RPN2: variants seen among roughly 807,000 people sequenced by gnomAD.
RPN2 encodes the protein dolichyl-diphosphooligosaccharide--protein glycosyltransferase subunit 2.
A neutral mutation model predicts 71.4 loss-of-function variants in RPN2; 29 were observed. That is an observed-to-expected ratio of 0.41 (90% CI 0.30 to 0.55). The LOEUF (loss-of-function observed/expected upper bound fraction) is 0.55. Ranked by LOEUF, RPN2 falls within the 20% of genes least tolerant of loss-of-function variation. The pLI is 0.35. For synonymous variants in RPN2, 308 were observed against 305.0 expected, an observed-to-expected ratio of 1.01 and a Z score of -0.10; for missense variants, 726 against 774.1, an observed-to-expected ratio of 0.94 and a Z score of 0.74.
intron 2 of RPN2, among the ~76,000 whole-genome samples, chr20:37,197,408 G>C (rs1292833072): frequency 6.6e-6 from 1 of 152,166 alleles, no homozygotes; most frequent in Non-Finnish European, 1.5e-5. Context: ...AGGGCCTGCT[G>C]TAAGGCAGTG....
intron 9 of RPN2, among the ~76,000 whole-genome samples, chr20:37,215,573 G>A (rs1419511096): frequency 1.3e-5 from 2 of 151,052 alleles, no homozygotes; most frequent in Admixed American, 6.6e-5. Flanking sequence ...CCTGTACTTC[G>A]AGTCCATCTT....
intron 9 of RPN2, among the ~76,000 whole-genome samples, chr20:37,222,953 T>A (rs1426663779): frequency 2.6e-5 from 4 of 152,226 alleles, no homozygotes; most frequent in Non-Finnish European, 4.4e-5. Flanking sequence ...GGTTTGTGCT[T>A]ATAACAAACT....
At chr20:37,196,522 C>T (rs1174404995) in intron 2 of RPN2, among the ~76,000 whole-genome samples, 2 of 151,988 alleles carry the variant, frequency 1.3e-5, no homozygotes, top group East Asian at 1.9e-4. Context: ...TGTGAGCCAC[C>T]GCGCCCAGCC....
chr20:37,200,290 C>T lies in RPN2; in HGVS notation c.479+1065C>T, dbSNP rs560275856. Among the ~76,000 whole-genome samples the T allele has an allele frequency of 2.0e-5, 3 of 152,230 alleles. 1 individual carries two copies. Among genetic ancestry groups the T allele is most frequent in the South Asian group, 2.1e-4 (1 of 4,824 alleles). ...AGGCGTGAGCCACAGCGCCCGGCTG[C>T]CCAGCTAATTTTTTTAGTTTTTAGT... is the stretch of plus-strand genomic sequence containing the variant. On this transcript the variant is annotated intron_variant, in intron 4 of 16. Coordinates refer to ENST00000237530, the MANE Select transcript of RPN2 (RefSeq NM_002951.5).
Position 37,184,174 on chromosome 20 carries a change from C to T in RPN2, c.14-6C>T. The T allele has an allele frequency of 1.9e-6, 3 of 1,614,158 alleles. No homozygotes were observed. Among genetic ancestry groups the T allele is most frequent in the Non-Finnish European group, 2.5e-6 (3 of 1,180,034 alleles). On this transcript the variant is annotated splice_polypyrimidine_tract_variant and splice_region_variant and intron_variant, in intron 1 of 16. Transcript: ENST00000237530. ...AGAGTGTACTGAATGGTTGTTTCCC[C>T]CCAAGGTTCAAGCACTGTCTTCCTG...
rs192563672 is a variant in RPN2 at position 37,230,205 on chromosome 20, C to A, written c.1581+146C>A. 563 of 742,504 alleles carry A rather than the reference C, an allele frequency of 7.6e-4. 2 individuals carry two copies. Among genetic ancestry groups the A allele is most frequent in the African/African-American group, 6.7e-3 (391 of 58,456 alleles). The allele number at this position is 742,504 out of a possible 1,614,324, so 46.0% of individuals were successfully genotyped here. A position where few individuals can be genotyped will look rare whatever the true frequency, so the allele number is the denominator to read the frequency against. On this transcript the variant is annotated intron_variant, in intron 13 of 16. Coordinates refer to ENST00000237530, the MANE Select transcript of RPN2 (RefSeq NM_002951.5). ...GTGGATTAGGCAGGGTAAATGGCAG[C>A]CCCATCCTTGAACTGAGAAAACAGG...
intron 16 of RPN2, chr20:37,238,804 C>T (rs566732738): frequency 3.1e-5 from 17 of 554,504 alleles, no homozygotes; most frequent in Admixed American, 2.3e-4. Context: ...AAGACAAATC[C>T]AAAATTCATT....
At chr20:37,240,866 T>A (rs2068532426) in intron 16 of RPN2, among the ~76,000 whole-genome samples, 1 of 152,250 alleles carries the variant, frequency 6.6e-6, no homozygotes, top group African/African-American at 2.4e-5. Flanking sequence ...GATGTCATGT[T>A]CTAAGCTACA....
At chr20:37,225,582 C>CT in intron 10 of RPN2, 106 bp from the exon 11 acceptor site, 1 of 775,154 alleles carries the variant, frequency 1.3e-6, no homozygotes, top group South Asian at 1.4e-5. Context: ...AGAAGTGTTA[C>CT]TATGGGAGAG....
intron 1 of RPN2, 161 bp downstream of exon 1, chr20:37,179,530 G>T (rs1213525101): frequency 7.1e-7 from 1 of 1,401,802 alleles, no homozygotes; most frequent in Admixed American, 3.0e-5. Flanking sequence ...CCGAAGGAGG[G>T]CTGCGAGCTG....
At chr20:37,180,059 T>C (rs1360093838) in intron 1 of RPN2, among the ~76,000 whole-genome samples, 1 of 152,174 alleles carries the variant, frequency 6.6e-6, no homozygotes. Context: ...GTTAACTGCA[T>C]TGGAAGTTAC....
At chr20:37,196,557 G>A (rs2067261680) in intron 2 of RPN2, among the ~76,000 whole-genome samples, 1 of 151,930 alleles carries the variant, frequency 6.6e-6, no homozygotes, top group East Asian at 1.9e-4. Flanking sequence ...GAGACAGGAT[G>A]TTGCCCTGCC....
Position 37,203,947 on chromosome 20 carries a change from T to C in RPN2, c.542T>C (p.Val181Ala), listed in dbSNP as rs2067454153. 6.2e-7 allele frequency: 1 copy of C among 1,613,226 alleles called. No individual in the cohort carries two copies. Among genetic ancestry groups the C allele is most frequent in the Non-Finnish European group, 8.5e-7 (1 of 1,179,284 alleles). The change falls in exon 5 of 17, where the codon GTG (valine) becomes GCG (alanine). Residue 181 changes from valine to alanine, a missense_variant. Val to Ala is a moderately conservative substitution (Grantham distance 64). Transcript: ENST00000237530. ...CAGCAGGCTGACCTGAGGAGCATCG[T>C]GGAGGAGATTGAGGTGTGAATCTTT... The part of the protein sequence containing the change: ...LSQQADLRSI[V>A]EEIEDLVARL...
At chr20:37,231,920 G>A (rs534147945) in intron 13 of RPN2, among the ~76,000 whole-genome samples, 1 of 152,142 alleles carries the variant, frequency 6.6e-6, no homozygotes, top group Non-Finnish European at 1.5e-5. Flanking sequence ...GAAACATTGC[G>A]AGTCCAGCGT....
At chr20:37,195,312 C>G (rs1325294446) in intron 2 of RPN2, among the ~76,000 whole-genome samples, 1 of 152,204 alleles carries the variant, frequency 6.6e-6, no homozygotes, top group Non-Finnish European at 1.5e-5. Flanking sequence ...TTTGAAGCCA[C>G]TGAACGCCGG....
rs1314027944 is a variant in RPN2 at position 37,191,506 on chromosome 20, C to T, written c.208-6891C>T. On this transcript the variant is annotated intron_variant, in intron 2 of 16. Coordinates refer to ENST00000237530, the MANE Select transcript of RPN2 (RefSeq NM_002951.5). ...AAAAGGCCAGGCGCGGTGGCTCACA[C>T]GTGTAATCCCAGTACTTTGGGGATG... Among the ~76,000 whole-genome samples, 8 of 152,038 alleles carry T rather than the reference C, an allele frequency of 5.3e-5. 1 individual carries two copies. Among genetic ancestry groups the T allele is most frequent in the South Asian group, 4.2e-4 (2 of 4,810 alleles).
chr20:37,192,954 C>T (rs1300911032), intron 2 of RPN2, among the ~76,000 whole-genome samples: 2 of 152,068 alleles, frequency 1.3e-5, no homozygotes, highest in African/African-American at 4.8e-5. Context: ...AAATGAGACC[C>T]TGTCTCTACA....
At chr20:37,217,721 GC>G (rs2067847235) in intron 9 of RPN2, among the ~76,000 whole-genome samples, 1 of 150,092 alleles carries the variant, frequency 6.7e-6, no homozygotes, top group East Asian at 2.0e-4. Context: ...TCCAGACTTA[GC>G]TTTTTTTTTT....
rs531083756 is a variant in RPN2, at chr20:37,199,374, C to T, written c.479+149C>T. 5.2e-5 allele frequency: 51 copies of T among 980,628 alleles called. No homozygotes were observed. In the African/African-American group the frequency reaches 6.3e-4, roughly 12 times the overall value. 60.7% of individuals were successfully genotyped at this position (980,628 alleles called of 1,614,324 possible). A position where few individuals can be genotyped will look rare whatever the true frequency, so the allele number is the denominator to read the frequency against. Reference sequence around the variant, plus strand: ...CAGGTGCTCTGCAAGGCACCGCAGACATGATTGCATGAAGGCAAGTAAGGT... The same window carrying T: ...CAGGTGCTCTGCAAGGCACCGCAGATATGATTGCATGAAGGCAAGTAAGGT... On this transcript the variant is annotated intron_variant, in intron 4 of 16. Transcript: ENST00000237530.
Sources: gnomAD v4.1 joint callset for allele counts (sites outside exome capture counted in the v4.1 genomes callset) on GRCh38, gnomAD v4.1.1 for gene constraint, MANE v1.5 for transcripts, NCBI Gene and HGNC (gene_info 2026-07-23, HGNC 2026-07-21) for gene names.